The following GRB10 variants were observed in gnomAD, a reference collection of about 807,000 sequenced individuals.
GRB10 encodes the protein growth factor receptor bound protein 10, also known as growth factor receptor-bound protein 10.
GRB10 carries 20 observed loss-of-function variants against 80.9 expected under a neutral mutation model. The observed-to-expected ratio is 0.25, with a 90% CI of 0.17 to 0.36. The LOEUF (loss-of-function observed/expected upper bound fraction) is 0.36, where lower values mean the gene tolerates loss of function less well. Ranked by LOEUF, GRB10 falls within the 10% of genes least tolerant of loss-of-function variation. GRB10 has a pLI of 1.00. For missense variants in GRB10, 548 were observed against 747.7 expected (o/e 0.73, Z 3.12); for synonymous variants, 291 against 291.5 (o/e 1.00, Z 0.02).
At chr7:50,617,285 G>A (rs941430145) in intron 10 of GRB10, among the ~76,000 whole-genome samples, 5 of 152,162 alleles carry the variant, frequency 3.3e-5, no homozygotes, top group Admixed American at 1.3e-4. Flanking sequence ...TGATAACAAC[G>A]TAGAAAAAGG....
At chr7:50,704,271 A>G (rs2064700849) in intron 4 of GRB10, among the ~76,000 whole-genome samples, 1 of 152,256 alleles carries the variant, frequency 6.6e-6, no homozygotes, top group South Asian at 2.1e-4. Flanking sequence ...ACAGGTAATC[A>G]AGTGCTGGGC....
chr7:50,616,319 T>C lies in GRB10; in HGVS notation c.875A>G (p.Glu292Gly). 2 of 1,614,208 alleles carry C rather than the reference T, an allele frequency of 1.2e-6. No individual in the cohort carries two copies. Among genetic ancestry groups the C allele is most frequent in the Non-Finnish European group, 1.7e-6 (2 of 1,180,016 alleles). ...QNFLNSSSCP[E>G]IQGFLHVKEL... ...TTTCACATGCAAAAACCCTTGAATT[T>C]CAGGACAACTACTGGAGTTCAGAAA... Residue 292 changes from glutamate (E) to glycine (G), a missense_variant, in exon 11 of 19, where the codon GAA becomes GGA. Transcript: ENST00000401949.
intron 5 of GRB10, among the ~76,000 whole-genome samples, chr7:50,682,730 G>A (rs1197984315): frequency 6.6e-6 from 1 of 152,154 alleles, no homozygotes; most frequent in East Asian, 1.9e-4. Context: ...AGGAAAGGTG[G>A]CCTAAGGAAT....
chr7:50,640,959 G>C (rs1298189793), intron 7 of GRB10, among the ~76,000 whole-genome samples: 1 of 152,274 alleles, frequency 6.6e-6, no homozygotes, highest in African/African-American at 2.4e-5. Context: ...GCAGGCTGTA[G>C]TGCCTGGAGC....
At chr7:50,676,024 C>T (rs932748938) in intron 5 of GRB10, among the ~76,000 whole-genome samples, 6 of 152,198 alleles carry the variant, frequency 3.9e-5, no homozygotes, top group Admixed American at 3.3e-4. Context: ...TGACTCCTTT[C>T]TTCTGCATTT....
chr7:50,604,141 C>T lies in GRB10; in HGVS notation c.1457-56G>A, dbSNP rs368448396. On this transcript the variant is annotated intron_variant, in intron 16 of 18. Coordinates refer to ENST00000401949, the MANE Select transcript of GRB10 (RefSeq NM_001350814.2). ...TGGTGGTGCCTCTGCAGAATGGCTT[C>T]CCTGACAGCACAACCAACTCTGATC... 38 of 1,457,578 alleles carry T rather than the reference C, an allele frequency of 2.6e-5. No homozygotes were observed. In the South Asian group the frequency reaches 3.0e-4, roughly 11 times the overall value. The allele number at this position is 1,457,578 out of a possible 1,614,324, so 90.3% of individuals were successfully genotyped here.
At chr7:50,672,368 T>C (rs2237471) in intron 6 of GRB10, among the ~76,000 whole-genome samples, 30,227 of 152,172 alleles carry the variant, frequency 0.2, 3,938 homozygotes, top group East Asian at 0.51. Flanking sequence ...CCGAGGGCAC[T>C]GATAACAAGG....
At chr7:50,638,978 A>G (rs923556255) in intron 7 of GRB10, among the ~76,000 whole-genome samples, 1 of 152,248 alleles carries the variant, frequency 6.6e-6, no homozygotes, top group Non-Finnish European at 1.5e-5. Flanking sequence ...TAAGTGAATT[A>G]ACTCAGAAAC....
intron 11 of GRB10, 62 bp from the exon 12 acceptor site, chr7:50,614,942 T>TGTCTACCAGA: frequency 1.4e-5 from 15 of 1,051,430 alleles, no homozygotes; most frequent in Non-Finnish European, 2.2e-5. Context: ...TGTTCACCTC[T>TGTCTACCAGA]GGTAGACAGA....
intron 10 of GRB10, chr7:50,617,761 G>T: frequency 2.2e-6 from 1 of 456,528 alleles, no homozygotes; most frequent in Admixed American, 3.7e-5. Context: ...CTGAGACTGG[G>T]GTTTCTCCAT....
Position 50,729,719 on chromosome 7 carries a change from G to A in GRB10, c.51+2553C>T, listed in dbSNP as rs1040051550. 1.4e-4 allele frequency among the ~76,000 whole-genome samples: 22 copies of A among 151,898 alleles called. 1 individual carries two copies. In the South Asian group the frequency reaches 1.7e-3, roughly 12 times the overall value. On this transcript the variant is annotated intron_variant, in intron 4 of 18. Coordinates refer to ENST00000401949, the MANE Select transcript of GRB10 (RefSeq NM_001350814.2). Reference sequence around the variant, plus strand: ...CAATGAGCTATAGGACCCTACTAACGGAGCCCCCCCCGAAGACCAAGGCAG... The same window carrying A: ...CAATGAGCTATAGGACCCTACTAACAGAGCCCCCCCCGAAGACCAAGGCAG...
chr7:50,697,158 T>C (rs1388268530), intron 5 of GRB10, among the ~76,000 whole-genome samples: 3 of 152,170 alleles, frequency 2.0e-5, no homozygotes, highest in South Asian at 2.1e-4. Context: ...GGGAGAATTA[T>C]TGCTTAATGG....
At chr7:50,780,847 T>A (rs12718908) in intron 1 of GRB10, 111 bp from the exon 2 acceptor site, 4,830 of 152,262 alleles carry the variant, frequency 0.032, 115 homozygotes, top group Non-Finnish European at 0.046. Context: ...AACACAAGTG[T>A]CAGTGAATTT....
rs2045908959 is a variant in GRB10, at chr7:50,592,103, A to G, written c.*849T>C. On this transcript the variant is annotated 3_prime_UTR_variant, in exon 19 of 19. Coordinates refer to ENST00000401949, the MANE Select transcript of GRB10 (RefSeq NM_001350814.2). ...GACGGGTGCCAGGTGTGTCTCAAGG[A>G]GGCTGGCCCACGTCAATCTAGAGGC... The G allele has an allele frequency of 6.6e-6, 1 of 152,226 alleles. No homozygotes were observed. Among genetic ancestry groups the G allele is most frequent in the Admixed American group, 6.5e-5 (1 of 15,282 alleles). 9.4% of individuals were successfully genotyped at this position (152,226 alleles called of 1,614,324 possible). A position where few individuals can be genotyped will look rare whatever the true frequency, so the allele number is the denominator to read the frequency against.
chr7:50,740,553 G>A (rs1245567793), intron 3 of GRB10, among the ~76,000 whole-genome samples: 2 of 152,036 alleles, frequency 1.3e-5, no homozygotes, highest in Non-Finnish European at 2.9e-5. Flanking sequence ...TTCCATAAAA[G>A]CCAGAAGATC....
intron 5 of GRB10, among the ~76,000 whole-genome samples, chr7:50,679,489 C>T (rs143359598): frequency 3.3e-5 from 5 of 152,260 alleles, no homozygotes; most frequent in Admixed American, 1.3e-4. Context: ...TTAAAGATGA[C>T]ACTGGATTCA....
intron 5 of GRB10, among the ~76,000 whole-genome samples, chr7:50,691,896 C>T (rs1294633273): frequency 2.0e-5 from 3 of 152,158 alleles, no homozygotes; most frequent in Non-Finnish European, 4.4e-5. Context: ...CTATGCTGAG[C>T]GTTTCAGAAA....
chr7:50,701,980 T>C (rs2064298151), intron 5 of GRB10, among the ~76,000 whole-genome samples: 1 of 152,252 alleles, frequency 6.6e-6, no homozygotes, highest in Non-Finnish European at 1.5e-5. Flanking sequence ...TATTTCTTAG[T>C]ATGGGACTGC....
Position 50,590,243 on chromosome 7 carries a change from T to C in GRB10, c.*2709A>G, listed in dbSNP as rs768115447. 7.2e-5 allele frequency: 11 copies of C among 152,352 alleles called. No individual in the cohort carries two copies. The highest frequency in any genetic ancestry group is 1.3e-4 in the Non-Finnish European group (9 of 68,036). 9.4% of individuals were successfully genotyped at this position (152,352 alleles called of 1,614,324 possible). A position where few individuals can be genotyped will look rare whatever the true frequency, so the allele number is the denominator to read the frequency against. On this transcript the variant is annotated 3_prime_UTR_variant, in exon 19 of 19. Transcript: ENST00000401949. ...GTCTCTTCATTAATACCTTCTGCAT[T>C]CCCTGAAAACGTTTATACACGCCAG...
Sources: gnomAD v4.1 joint callset for allele counts (sites outside exome capture counted in the v4.1 genomes callset) on GRCh38, gnomAD v4.1.1 for gene constraint, MANE v1.5 for transcripts, NCBI Gene and HGNC (gene_info 2026-07-23, HGNC 2026-07-21) for gene names.